Variants in ZMYND8 observed in about 807,000 individuals in gnomAD.
The protein encoded by ZMYND8 is zinc finger MYND-type containing 8.
ZMYND8 carries 37 observed loss-of-function variants against 140.8 expected under a neutral mutation model. The observed-to-expected ratio is 0.26, with a 90% CI of 0.20 to 0.35. The LOEUF (loss-of-function observed/expected upper bound fraction) is 0.35. Among genes scored for constraint, ZMYND8 ranks in the 10% least tolerant of loss-of-function variants. The pLI, the probability that ZMYND8 is intolerant of heterozygous loss-of-function variation, is 1.00. For synonymous variants in ZMYND8, 592 were observed against 597.1 expected (o/e 0.99, Z 0.12); for missense variants, 1,068 against 1,570.0 (o/e 0.68, Z 5.40).
chr20:47,232,836 C>A (rs1207858679), intron 16 of ZMYND8, among the ~76,000 whole-genome samples: 1 of 152,068 alleles, frequency 6.6e-6, no homozygotes, highest in Admixed American at 6.6e-5. Context: ...AGCAAGAAGT[C>A]TCAGTTTGGT....
intron 7 of ZMYND8, 123 bp downstream of exon 7, chr20:47,290,063 AT>A: frequency 1.1e-6 from 1 of 905,772 alleles, no homozygotes; most frequent in Non-Finnish European, 1.6e-6. Flanking sequence ...ATTCACATAT[AT>A]TAGCACAATC....
chr20:47,270,419 AT>A (rs1569052075), intron 11 of ZMYND8, among the ~76,000 whole-genome samples: 3 of 151,576 alleles, frequency 2.0e-5, no homozygotes, highest in East Asian at 1.9e-4. Flanking sequence ...AAAATAAAAA[AT>A]TAAAAAAGAA....
Position 47,224,473 on chromosome 20 carries a change from C to T in ZMYND8, c.3100G>A (p.Glu1034Lys). 6.2e-7 allele frequency: 1 copy of T among 1,614,264 alleles called. No homozygotes were observed. The highest frequency in any genetic ancestry group is 8.5e-7 in the Non-Finnish European group (1 of 1,180,054). ...GTCTCATCCACCGCCTGCTGCTTCTCCAACTCCAGCTGCTTCTTCACCTCG... is the reference window on the plus strand; with the variant it reads ...GTCTCATCCACCGCCTGCTGCTTCTTCAACTCCAGCTGCTTCTTCACCTCG... ...IAEVKKQLELEKQQAVDETKK... is the reference protein window; with the variant it reads ...IAEVKKQLELKKQQAVDETKK... Residue 1034 changes from glutamate (E) to lysine (K), a missense_variant, in exon 19 of 23, where the codon GAG (glutamate) becomes AAG (lysine). Transcript: ENST00000471951.
intron 11 of ZMYND8, among the ~76,000 whole-genome samples, chr20:47,274,365 T>G (rs779617701): frequency 1.3e-5 from 2 of 152,220 alleles, no homozygotes; most frequent in Non-Finnish European, 2.9e-5. Flanking sequence ...CATATTTAAG[T>G]ATGTAATAAA....
intron 3 of ZMYND8, 144 bp from the exon 4 acceptor site, chr20:47,299,091 C>A: frequency 2.7e-6 from 2 of 733,796 alleles, no homozygotes; most frequent in Non-Finnish European, 4.5e-6. Flanking sequence ...TTAGGTTACT[C>A]TACTAAATAT....
Position 47,276,886 on chromosome 20 carries a change from T to C in ZMYND8, c.999-91A>G, listed in dbSNP as rs971113050. The stretch of plus-strand genomic sequence containing the variant: ...TGATGTGAACCAAATTAGCCAAGCA[T>C]GTTTGCCAAGATTCTTATTCTATTA... On this transcript the variant is annotated intron_variant, in intron 10 of 22. Transcript: ENST00000471951. The C allele has an allele frequency of 1.0e-5, 13 of 1,271,428 alleles. No individual in the cohort carries two copies. In the Admixed American group the frequency reaches 3.3e-4, roughly 32 times the overall value. 78.8% of individuals were successfully genotyped at this position (1,271,428 alleles called of 1,614,324 possible). A position where few individuals can be genotyped will look rare whatever the true frequency, so the allele number is the denominator to read the frequency against.
At chr20:47,251,932 C>T (rs1369008819) in intron 12 of ZMYND8, among the ~76,000 whole-genome samples, 3 of 151,650 alleles carry the variant, frequency 2.0e-5, no homozygotes, top group South Asian at 4.2e-4. Context: ...CTGCCCTCCC[C>T]GAGTTTGCAT....
At chr20:47,244,106 T>C (rs1390727996) in intron 14 of ZMYND8, among the ~76,000 whole-genome samples, 7 of 152,198 alleles carry the variant, frequency 4.6e-5, no homozygotes, top group Non-Finnish European at 1.0e-4. Context: ...CAGCCCAGGT[T>C]GACCATAACC....
chr20:47,231,390 C>T (rs1284413845), intron 16 of ZMYND8, among the ~76,000 whole-genome samples: 2 of 152,142 alleles, frequency 1.3e-5, no homozygotes, highest in Non-Finnish European at 2.9e-5. Flanking sequence ...TGCCTCTAAG[C>T]CTCGGTTTCC....
At chr20:47,247,106 G>T (rs1326485904) in intron 13 of ZMYND8, among the ~76,000 whole-genome samples, 1 of 152,258 alleles carries the variant, frequency 6.6e-6, no homozygotes, top group Non-Finnish European at 1.5e-5. Context: ...TTGCAGACAT[G>T]TTTCATGCGA....
intron 13 of ZMYND8, among the ~76,000 whole-genome samples, chr20:47,247,309 G>GT (rs2040678736): frequency 6.6e-6 from 1 of 152,204 alleles, no homozygotes; most frequent in African/African-American, 2.4e-5. Flanking sequence ...GCTCCTCTAG[G>GT]CGGGGGACAC....
At chr20:47,250,767 A>G (rs2074104781) in intron 12 of ZMYND8, among the ~76,000 whole-genome samples, 2 of 152,246 alleles carry the variant, frequency 1.3e-5, no homozygotes, top group Non-Finnish European at 2.9e-5. Flanking sequence ...CAAAGTAACT[A>G]GAAGCAGCCT....
intron 14 of ZMYND8, among the ~76,000 whole-genome samples, chr20:47,242,645 GCAAA>G (rs1420701253): frequency 6.6e-6 from 1 of 152,232 alleles, no homozygotes; most frequent in African/African-American, 2.4e-5. Flanking sequence ...ATTTGCAAAA[GCAAA>G]CAGCCAGCAG....
At chr20:47,219,457 C>T (rs975122439) in intron 21 of ZMYND8, among the ~76,000 whole-genome samples, 4 of 150,018 alleles carry the variant, frequency 2.7e-5, no homozygotes, top group Non-Finnish European at 4.4e-5. Context: ...GCCTGGGAGG[C>T]GGAGGTTGCA....
chr20:47,276,257 C>CATGGG, intron 11 of ZMYND8, 57 bp downstream of exon 11: 1 of 1,489,070 alleles, frequency 6.7e-7, no homozygotes, highest in Non-Finnish European at 8.9e-7. Flanking sequence ...AGTGTGCACC[C>CATGGG]ATGGGAAACC....
At chr20:47,280,500 C>A (rs1036629080) in intron 10 of ZMYND8, among the ~76,000 whole-genome samples, 2 of 152,200 alleles carry the variant, frequency 1.3e-5, no homozygotes, top group South Asian at 4.1e-4. Context: ...CACCTTCAGT[C>A]GCTGTCTGAC....
intron 15 of ZMYND8, 71 bp downstream of exon 15, chr20:47,238,687 A>T: frequency 6.5e-7 from 1 of 1,547,486 alleles, no homozygotes; most frequent in Non-Finnish European, 8.7e-7. Flanking sequence ...ATAAAAGAGC[A>T]ATGACTTTCT....
chr20:47,235,128 AG>A (rs1467737558), intron 16 of ZMYND8, among the ~76,000 whole-genome samples: 2 of 152,254 alleles, frequency 1.3e-5, no homozygotes, highest in Non-Finnish European at 2.9e-5. Context: ...TAATCTCAGT[AG>A]ATTATAAATC....
At position 47,287,289 on chromosome 20, in the gene ZMYND8, G is replaced by A. The variant is rs757521467; in HGVS notation, c.749-5C>T. 7 of 1,612,380 alleles carry A rather than the reference G, an allele frequency of 4.3e-6. No individual in the cohort carries two copies. The highest frequency in any genetic ancestry group is 1.7e-5 in the Admixed American group (1 of 60,020). On this transcript the variant is annotated splice_region_variant and splice_polypyrimidine_tract_variant and intron_variant, in intron 7 of 22. Transcript: ENST00000471951. ...TTTGCGTCAATTTGTGATTTCCTAA[G>A]GGAATAAGAAAACAGGATTAATTCT...
Sources: allele counts gnomAD v4.1 joint callset (sites outside exome capture counted in the v4.1 genomes callset), GRCh38; gene constraint gnomAD v4.1.1; transcripts MANE v1.5; gene names NCBI Gene and HGNC (gene_info 2026-07-23, HGNC 2026-07-21).